SMYD3: variants seen among roughly 807,000 people sequenced by gnomAD.
SMYD3 encodes SET and MYND domain containing 3, also known as histone-lysine N-methyltransferase SMYD3.
SMYD3 carries 36 observed loss-of-function variants against 57.7 expected under a neutral mutation model. That is an observed-to-expected ratio of 0.62 (90% CI 0.48 to 0.82). SMYD3 has a LOEUF of 0.82. Among genes scored for constraint, SMYD3 ranks in the 40% least tolerant of loss-of-function variants. SMYD3 has a pLI of 0.00. For synonymous variants in SMYD3, 211 were observed against 195.0 expected (o/e 1.08, Z -0.68); for missense variants, 515 against 538.8 (o/e 0.96, Z 0.44).
At chr1:246,472,546 C>T (rs1342078379) in intron 1 of SMYD3, among the ~76,000 whole-genome samples, 1 of 152,028 alleles carries the variant, frequency 6.6e-6, no homozygotes, top group African/African-American at 2.4e-5. Context: ...AGTTTGAGAC[C>T]AGCCTAGGCA....
chr1:245,931,313 C>T lies in SMYD3; in HGVS notation c.532-1376G>A, dbSNP rs542286176. On this transcript the variant is annotated intron_variant, in intron 5 of 11. Transcript: ENST00000490107. The stretch of plus-strand genomic sequence containing the variant: ...TGATAGACAATGGTGACTCGGATGT[C>T]GGTAGCAGGAGAACTGGGTAGCACA... Among the ~76,000 whole-genome samples the T allele has an allele frequency of 5.9e-5, 9 of 152,216 alleles. No homozygotes were observed. The Middle Eastern group carries it at 0.01, about 173-fold the overall frequency.
intron 10 of SMYD3, among the ~76,000 whole-genome samples, chr1:245,815,737 T>A (rs200648451): frequency 6.6e-6 from 1 of 152,226 alleles, no homozygotes; most frequent in African/African-American, 2.4e-5. Context: ...ATAAAGTTTT[T>A]CCACAGCCAC....
At chr1:246,487,068 T>C (rs932969707) in intron 1 of SMYD3, among the ~76,000 whole-genome samples, 1 of 152,180 alleles carries the variant, frequency 6.6e-6, no homozygotes, top group African/African-American at 2.4e-5. Flanking sequence ...TCAGAATGGG[T>C]AGACATTGAC....
In SMYD3 at chr1:246,443,050, C is replaced by T. The variant is rs528161137; in HGVS notation, c.164+64004G>A. 2.3e-3 allele frequency among the ~76,000 whole-genome samples: 345 copies of T among 152,172 alleles called. 4 individuals are homozygous for T. Among genetic ancestry groups the T allele is most frequent in the Non-Finnish European group, 2.7e-3 (185 of 68,008 alleles). ...AATTTAAAAATGTATGGTAGCTCTT[C>T]CTATTTTGGATTTTGTATATTCCTT... On this transcript the variant is annotated intron_variant, in intron 1 of 11. Coordinates refer to ENST00000490107, the MANE Select transcript of SMYD3 (RefSeq NM_001167740.2).
chr1:246,293,701 T>A (rs946755723), intron 5 of SMYD3, among the ~76,000 whole-genome samples: 1 of 152,162 alleles, frequency 6.6e-6, no homozygotes, highest in African/African-American at 2.4e-5. Context: ...TTAATAACCC[T>A]TTTGCCCACT....
chr1:246,210,279 G>A (rs959472287), intron 5 of SMYD3, among the ~76,000 whole-genome samples: 5 of 152,118 alleles, frequency 3.3e-5, no homozygotes, highest in Non-Finnish European at 5.9e-5. Context: ...ACCATCACAC[G>A]CATAGTGCAC....
intron 5 of SMYD3, among the ~76,000 whole-genome samples, chr1:246,204,287 A>C (rs1237232033): frequency 1.3e-5 from 2 of 152,128 alleles, no homozygotes; most frequent in South Asian, 2.1e-4. Flanking sequence ...CCTCACATTA[A>C]TGAAAACAGG....
intron 5 of SMYD3, chr1:246,189,096 T>C (rs1231456150): frequency 6.6e-6 from 1 of 152,228 alleles, no homozygotes; most frequent in Non-Finnish European, 1.5e-5. Context: ...TCTAATTTTT[T>C]AGTATATGTG....
intron 5 of SMYD3, among the ~76,000 whole-genome samples, chr1:246,143,331 G>A (rs2061791860): frequency 6.6e-6 from 1 of 152,140 alleles, no homozygotes; most frequent in Admixed American, 6.5e-5. Context: ...GCAGTCTTGG[G>A]TATACAATAG....
intron 1 of SMYD3, among the ~76,000 whole-genome samples, chr1:246,458,161 C>T (rs2067731945): frequency 6.6e-6 from 1 of 151,940 alleles, no homozygotes; most frequent in African/African-American, 2.4e-5. Flanking sequence ...TGTGGGCACC[C>T]GAGGGTCAGG....
chr1:246,347,017 C>G (rs1044620080), intron 2 of SMYD3, among the ~76,000 whole-genome samples: 6 of 151,930 alleles, frequency 3.9e-5, no homozygotes, highest in Non-Finnish European at 8.8e-5. Context: ...ATCAAAAACA[C>G]CAACAAAAAT....
chr1:246,179,147 T>A (rs984934439), intron 5 of SMYD3: 1 of 155,554 alleles, frequency 6.4e-6, no homozygotes, highest in African/African-American at 2.4e-5. Flanking sequence ...GCAGAACAAG[T>A]GGAAGAAACA....
At chr1:245,815,727 A>G (rs2148311166) in intron 10 of SMYD3, among the ~76,000 whole-genome samples, 1 of 152,374 alleles carries the variant, frequency 6.6e-6, no homozygotes, top group East Asian at 1.9e-4. Context: ...TTTACAGTCT[A>G]TAAAGTTTTT....
At chr1:246,280,111 A>G (rs1203800046) in intron 5 of SMYD3, among the ~76,000 whole-genome samples, 2 of 152,238 alleles carry the variant, frequency 1.3e-5, no homozygotes, top group East Asian at 3.8e-4. Flanking sequence ...GAATATATAT[A>G]GTAGCATGAG....
At chr1:246,108,445 C>T (rs1312350285) in intron 5 of SMYD3, among the ~76,000 whole-genome samples, 1 of 152,172 alleles carries the variant, frequency 6.6e-6, no homozygotes, top group Admixed American at 6.5e-5. Context: ...CAACATCCAT[C>T]CAGTCTCTCA....
chr1:245,894,047 T>C (rs1037148468), intron 8 of SMYD3, among the ~76,000 whole-genome samples: 7 of 152,180 alleles, frequency 4.6e-5, no homozygotes, highest in Non-Finnish European at 1.0e-4. Context: ...GTCTGCAGAG[T>C]ACCTCGTGAG....
At chr1:246,082,713 G>GCC (rs2147845947) in intron 5 of SMYD3, among the ~76,000 whole-genome samples, 1 of 152,242 alleles carries the variant, frequency 6.6e-6, no homozygotes, top group Admixed American at 6.5e-5. Flanking sequence ...AGATCAGACT[G>GCC]TTACTGTGTC....
At chr1:245,882,560 T>C (rs745538868) in intron 8 of SMYD3, among the ~76,000 whole-genome samples, 20 of 152,304 alleles carry the variant, frequency 1.3e-4, no homozygotes, top group South Asian at 2.1e-4. Flanking sequence ...TTTGAGAAAC[T>C]AGCAATGAAG....
intron 3 of SMYD3, among the ~76,000 whole-genome samples, chr1:246,330,939 A>G (rs1193566946): frequency 6.6e-6 from 1 of 152,196 alleles, no homozygotes; most frequent in Non-Finnish European, 1.5e-5. Context: ...GTTCAAGGCC[A>G]GCCTGGGCAA....
Sources: allele counts gnomAD v4.1 joint callset (sites outside exome capture counted in the v4.1 genomes callset), GRCh38; gene constraint gnomAD v4.1.1; transcripts MANE v1.5; gene names NCBI Gene and HGNC (gene_info 2026-07-23, HGNC 2026-07-21).